Variants in HECW1 observed in about 807,000 individuals in gnomAD.
The protein encoded by HECW1 is HECT, C2 and WW domain containing E3 ubiquitin protein ligase 1.
In HECW1, 61 loss-of-function variants were observed where a neutral mutation model predicts 182.3. The ratio of observed to expected loss-of-function variants is 0.33; its 90% confidence interval spans 0.27 to 0.41. HECW1 has a LOEUF of 0.41. HECW1 is among the 10% of genes least tolerant of loss of function. HECW1 has a pLI of 1.00. For missense variants in HECW1, 1,739 were observed against 2,108.9 expected (o/e 0.82, Z 3.44); for synonymous variants, 859 against 832.6 (o/e 1.03, Z -0.55).
In HECW1 at chr7:43,296,686, G is replaced by A. The variant is rs190272069; in HGVS notation, c.28-15077G>A. ...TGGATTGAGAAATGAGGCCAAATGC[G>A]AACTAATGGAAAAAAGTAAGGCTGA... On this transcript the variant is annotated intron_variant, in intron 3 of 29. Coordinates refer to ENST00000395891, the MANE Select transcript of HECW1 (RefSeq NM_015052.5). Among the ~76,000 whole-genome samples the A allele has an allele frequency of 1.0e-3, 152 of 152,240 alleles. No individual in the cohort carries two copies. The Middle Eastern group carries it at 0.034, about 34-fold the overall frequency.
In HECW1 at chr7:43,420,226, AG is replaced by A. The variant is rs567625345; in HGVS notation, c.801+12498del. 7.2e-5 allele frequency among the ~76,000 whole-genome samples: 11 copies of A among 152,330 alleles called. No homozygotes were observed. In the South Asian group the frequency reaches 2.3e-3, roughly 32 times the overall value. ...GGTCTTTGAATAAATTTTGCTTCTA[AG>A]GGAAGTTACTATTTATTCCTAATTA... On this transcript the variant is annotated intron_variant, in intron 8 of 29. Coordinates refer to ENST00000395891, the MANE Select transcript of HECW1 (RefSeq NM_015052.5).
At chr7:43,342,250 C>T (rs563171045) in intron 5 of HECW1, among the ~76,000 whole-genome samples, 3 of 151,846 alleles carry the variant, frequency 2.0e-5, no homozygotes, top group South Asian at 2.1e-4. Flanking sequence ...TTAGATGCCT[C>T]GTCAATGAAC....
At chr7:43,219,048 G>T (rs1239806806) in intron 2 of HECW1, among the ~76,000 whole-genome samples, 1 of 152,054 alleles carries the variant, frequency 6.6e-6, no homozygotes, top group Non-Finnish European at 1.5e-5. Context: ...GGATTGGTTT[G>T]ACCAGCCATG....
intron 6 of HECW1, among the ~76,000 whole-genome samples, chr7:43,372,743 A>T (rs1377019615): frequency 1.3e-5 from 2 of 151,812 alleles, no homozygotes; most frequent in African/African-American, 2.4e-5. Context: ...CTCTCTTCTC[A>T]TGACTGGTCT....
intron 3 of HECW1, among the ~76,000 whole-genome samples, chr7:43,257,181 T>C (rs1464640008): frequency 6.6e-6 from 1 of 152,204 alleles, no homozygotes; most frequent in Admixed American, 6.5e-5. Context: ...TATATGTTAA[T>C]TAATATTCCA....
At chr7:43,360,111 G>GACTT (rs781072550) in intron 5 of HECW1, among the ~76,000 whole-genome samples, 13 of 152,016 alleles carry the variant, frequency 8.6e-5, no homozygotes, top group Non-Finnish European at 1.8e-4. Context: ...GGGGTACAGG[G>GACTT]ACTTATTCAT....
At chr7:43,446,492 G>A (rs1011129492) in intron 11 of HECW1, among the ~76,000 whole-genome samples, 2 of 152,188 alleles carry the variant, frequency 1.3e-5, no homozygotes, top group Non-Finnish European at 2.9e-5. Flanking sequence ...CTATTTTGCT[G>A]TTCTGCTGTT....
intron 4 of HECW1, among the ~76,000 whole-genome samples, chr7:43,314,031 C>A (rs1808877329): frequency 1.3e-5 from 2 of 152,136 alleles, no homozygotes; most frequent in African/African-American, 4.8e-5. Flanking sequence ...ATTGCCCAGG[C>A]TCAAACTCCA....
chr7:43,122,175 C>T (rs1222858382), intron 2 of HECW1, among the ~76,000 whole-genome samples: 2 of 152,188 alleles, frequency 1.3e-5, no homozygotes, highest in East Asian at 3.8e-4. Flanking sequence ...TACCCTTGTT[C>T]TATAAATGAG....
intron 21 of HECW1, among the ~76,000 whole-genome samples, chr7:43,505,700 CTTAG>C (rs1196957261): frequency 1.3e-5 from 2 of 152,188 alleles, no homozygotes; most frequent in African/African-American, 4.8e-5. Flanking sequence ...CATCTCCTCT[CTTAG>C]TTAAAGCATA....
At chr7:43,421,706 A>G (rs2076188656) in intron 8 of HECW1, among the ~76,000 whole-genome samples, 1 of 152,218 alleles carries the variant, frequency 6.6e-6, no homozygotes, top group African/African-American at 2.4e-5. Flanking sequence ...CCAGGAATGA[A>G]AATTAAAAGT....
chr7:43,248,640 C>A (rs1311340719), intron 3 of HECW1: 3 of 153,002 alleles, frequency 2.0e-5, no homozygotes, highest in African/African-American at 7.3e-5. Flanking sequence ...TGATTTGGAA[C>A]CTCCATTGTA....
At chr7:43,136,187 G>T (rs376492128) in intron 2 of HECW1, among the ~76,000 whole-genome samples, 2 of 152,016 alleles carry the variant, frequency 1.3e-5, no homozygotes, top group South Asian at 2.1e-4. Context: ...AATCAGAGGC[G>T]CCTGATACTA....
chr7:43,500,465 C>T (rs2079301068), intron 19 of HECW1, among the ~76,000 whole-genome samples: 1 of 152,130 alleles, frequency 6.6e-6, no homozygotes, highest in Admixed American at 6.5e-5. Flanking sequence ...TACCTGAGGA[C>T]CTAACTTTGC....
chr7:43,418,312 C>CTCATAA (rs1306049912), intron 8 of HECW1, among the ~76,000 whole-genome samples: 4 of 152,258 alleles, frequency 2.6e-5, no homozygotes, highest in Non-Finnish European at 4.4e-5. Context: ...CACAATTCAA[C>CTCATAA]TCATAACAGT....
intron 2 of HECW1, among the ~76,000 whole-genome samples, chr7:43,218,035 G>A (rs1036997127): frequency 6.6e-6 from 1 of 152,178 alleles, no homozygotes; most frequent in Admixed American, 6.5e-5. Flanking sequence ...CTAGGTATTA[G>A]GAAGAGTTTT....
At chr7:43,497,659 T>C (rs1440262727) in intron 19 of HECW1, among the ~76,000 whole-genome samples, 3 of 151,860 alleles carry the variant, frequency 2.0e-5, no homozygotes, top group Non-Finnish European at 4.4e-5. Context: ...GTGTGGATAA[T>C]GGGAAAATAT....
At chr7:43,348,213 G>A (rs1813941017) in intron 5 of HECW1, among the ~76,000 whole-genome samples, 1 of 152,062 alleles carries the variant, frequency 6.6e-6, no homozygotes, top group Non-Finnish European at 1.5e-5. Context: ...TCTGCTCAGG[G>A]TATCTAATTC....
At chr7:43,464,984 TAG>T (rs2077715152) in intron 14 of HECW1, among the ~76,000 whole-genome samples, 1 of 152,062 alleles carries the variant, frequency 6.6e-6, no homozygotes, top group African/African-American at 2.4e-5. Flanking sequence ...TCATTTTTTG[TAG>T]AGACAGAGTC....
Sources: gnomAD v4.1 joint callset for allele counts (sites outside exome capture counted in the v4.1 genomes callset) on GRCh38, gnomAD v4.1.1 for gene constraint, MANE v1.5 for transcripts, NCBI Gene and HGNC (gene_info 2026-07-23, HGNC 2026-07-21) for gene names.